ZNF763: variants seen among roughly 807,000 people sequenced by gnomAD.
ZNF763 encodes the protein zinc finger protein 763.
ZNF763 carries 33 observed loss-of-function variants against 38.0 expected under a neutral mutation model. That is an observed-to-expected ratio of 0.87 (90% CI 0.66 to 1.16). ZNF763 has a LOEUF of 1.16. ZNF763 is among the 50% of genes most tolerant of loss of function. The pLI, the probability that ZNF763 is intolerant of heterozygous loss-of-function variation, is 0.00. For synonymous variants in ZNF763, 155 were observed against 160.1 expected (o/e 0.97, Z 0.24); for missense variants, 423 against 469.1 (o/e 0.90, Z 0.91).
Position 11,979,196 on chromosome 19 carries a change from G to C in ZNF763, c.*87G>C, listed in dbSNP as rs1307573162. On this transcript the variant is annotated 3_prime_UTR_variant, in exon 4 of 4. Transcript: ENST00000358987. ...CACACTGGAGAGAAACCCTATAAAT[G>C]CATGCCATGTGGTAAAGCCTTCAAT... 4 of 1,612,032 alleles carry C rather than the reference G, an allele frequency of 2.5e-6. No homozygotes were observed. Among genetic ancestry groups the C allele is most frequent in the Non-Finnish European group, 3.4e-6 (4 of 1,179,550 alleles).
chr19:11,976,820 C>T (rs940775305), intron 1 of ZNF763: 2 of 1,357,832 alleles, frequency 1.5e-6, no homozygotes, highest in African/African-American at 1.5e-5. Context: ...CATCATTATA[C>T]TCCAGCCTGG....
chr19:11,970,441 GA>G (rs1973327354), intron 1 of ZNF763, among the ~76,000 whole-genome samples: 1 of 152,166 alleles, frequency 6.6e-6, no homozygotes, highest in Admixed American at 6.5e-5. Flanking sequence ...AATCCATAAA[GA>G]AAATGCATGC....
At chr19:11,966,520 T>C (rs912542432) in intron 1 of ZNF763, among the ~76,000 whole-genome samples, 3 of 152,102 alleles carry the variant, frequency 2.0e-5, no homozygotes, top group African/African-American at 7.2e-5. Context: ...ATTACAGACA[T>C]GCACCACCAT....
Position 11,979,890 on chromosome 19 carries a change from G to T in ZNF763, c.*781G>T, listed in dbSNP as rs1973584359. 3 of 1,426,902 alleles carry T rather than the reference G, an allele frequency of 2.1e-6. No individual in the cohort carries two copies. Among genetic ancestry groups the T allele is most frequent in the Admixed American group, 3.4e-5 (2 of 57,976 alleles). 88.4% of individuals were successfully genotyped at this position (1,426,902 alleles called of 1,614,324 possible). On this transcript the variant is annotated 3_prime_UTR_variant, in exon 4 of 4. Transcript: ENST00000358987. ...CACGTAAGAATGCACTCTGTAGAAA[G>T]ACCTTATAAATGTAAGATATGTGGG...
chr19:11,978,266 T>C lies in ZNF763; in HGVS notation c.342T>C (p.Val114=). ...GTGATAACTTTGTATGTGGAGAAGT[T>C]GGCATAGGTAACTCATCTTTTAATA... ...KSCDNFVCGE[V]GIGNSSFNMN... Residue 114 remains valine (V), a synonymous_variant, in exon 4 of 4, where the codon GTT becomes GTC. Transcript: ENST00000358987. 1 of 1,614,090 alleles carries C rather than the reference T, an allele frequency of 6.2e-7. No individual in the cohort carries two copies. The highest frequency in any genetic ancestry group is 8.5e-7 in the Non-Finnish European group (1 of 1,179,982).
chr19:11,979,874 A>G lies in ZNF763; in HGVS notation c.*765A>G, dbSNP rs1016900035. On this transcript the variant is annotated 3_prime_UTR_variant, in exon 4 of 4. Coordinates refer to ENST00000358987, the MANE Select transcript of ZNF763 (RefSeq NM_001367172.2). ...TGAAAGGACACAAACACACGTAAGA[A>G]TGCACTCTGTAGAAAGACCTTATAA... is the stretch of plus-strand genomic sequence containing the variant. 8 of 1,464,432 alleles carry G rather than the reference A, an allele frequency of 5.5e-6. No homozygotes were observed. Among genetic ancestry groups the G allele is most frequent in the Non-Finnish European group, 7.6e-6 (8 of 1,047,930 alleles). 90.7% of individuals were successfully genotyped at this position (1,464,432 alleles called of 1,614,324 possible). A position where few individuals can be genotyped will look rare whatever the true frequency, so the allele number is the denominator to read the frequency against.
At chr19:11,971,879 C>G (rs973625652) in intron 1 of ZNF763, among the ~76,000 whole-genome samples, 1 of 152,080 alleles carries the variant, frequency 6.6e-6, no homozygotes, top group South Asian at 2.1e-4. Flanking sequence ...GCCTGACAAA[C>G]GTGGAGGTTT....
intron 3 of ZNF763, among the ~76,000 whole-genome samples, chr19:11,977,740 T>C (rs1384162772): frequency 6.6e-6 from 1 of 152,076 alleles, no homozygotes; most frequent in Non-Finnish European, 1.5e-5. Context: ...ATCGTAGTCC[T>C]AGCTACTCAG....
chr19:11,968,716 A>G (rs1973290295), intron 1 of ZNF763, among the ~76,000 whole-genome samples: 1 of 152,156 alleles, frequency 6.6e-6, no homozygotes, highest in Non-Finnish European at 1.5e-5. Context: ...TTAGTGTACT[A>G]TAGAGATCAG....
At chr19:11,971,920 G>T (rs1973359419) in intron 1 of ZNF763, among the ~76,000 whole-genome samples, 1 of 152,114 alleles carries the variant, frequency 6.6e-6, no homozygotes, top group Admixed American at 6.5e-5. Flanking sequence ...AAATTAGCCA[G>T]GCGTGGTGGC....
chr19:11,966,663 C>G (rs1973235491), intron 1 of ZNF763, among the ~76,000 whole-genome samples: 1 of 152,194 alleles, frequency 6.6e-6, no homozygotes, highest in Non-Finnish European at 1.5e-5. Flanking sequence ...TGTGAGCCAC[C>G]TCGCCTGGCC....
In ZNF763 at chr19:11,979,978, C is replaced by G; in HGVS notation, c.*869C>G. The G allele has an allele frequency of 8.3e-7, 1 of 1,207,376 alleles. No homozygotes were observed. Among genetic ancestry groups the G allele is most frequent in the Non-Finnish European group, 1.2e-6 (1 of 823,712 alleles). 74.8% of individuals were successfully genotyped at this position (1,207,376 alleles called of 1,614,324 possible). A position where few individuals can be genotyped will look rare whatever the true frequency, so the allele number is the denominator to read the frequency against. On this transcript the variant is annotated 3_prime_UTR_variant, in exon 4 of 4. Coordinates refer to ENST00000358987, the MANE Select transcript of ZNF763 (RefSeq NM_001367172.2). ...AAAAATCTTACACTGGAGAGAAACCCTATGAGTGTAAGCAATGTGGGAAAG... is the reference window on the plus strand; with the variant it reads ...AAAAATCTTACACTGGAGAGAAACCGTATGAGTGTAAGCAATGTGGGAAAG...
chr19:11,967,953 A>G (rs902402102), intron 1 of ZNF763, among the ~76,000 whole-genome samples: 1 of 152,226 alleles, frequency 6.6e-6, no homozygotes, highest in African/African-American at 2.4e-5. Context: ...ATTAAAACAT[A>G]ACTATAATTA....
chr19:11,977,478 A>G (rs768784465), intron 3 of ZNF763, 47 bp downstream of exon 3: 4 of 1,591,538 alleles, frequency 2.5e-6, no homozygotes, highest in Non-Finnish European at 3.4e-6. Context: ...TGATTTTAGT[A>G]TATGATAATA....
chr19:11,979,176 T>C lies in ZNF763; in HGVS notation c.*67T>C. 6.2e-7 allele frequency: 1 copy of C among 1,612,270 alleles called. No individual in the cohort carries two copies. The highest frequency in any genetic ancestry group is 2.2e-5 in the East Asian group (1 of 44,870). On this transcript the variant is annotated 3_prime_UTR_variant, in exon 4 of 4. Coordinates refer to ENST00000358987, the MANE Select transcript of ZNF763 (RefSeq NM_001367172.2). ...TTCGAAGACATGAAAAAACTCACAC[T>C]GGAGAGAAACCCTATAAATGCATGC...
chr19:11,965,353 G>A, intron 1 of ZNF763, 142 bp downstream of exon 1: 9 of 1,194,686 alleles, frequency 7.5e-6, no homozygotes. Flanking sequence ...TCGGCCCTCG[G>A]TCCCCTCGGC....
intron 1 of ZNF763, chr19:11,976,748 C>A: frequency 1.9e-6 from 1 of 538,544 alleles, no homozygotes; most frequent in Non-Finnish European, 2.7e-6. Context: ...TGCCTGTAAT[C>A]CCAGCTACTC....
At chr19:11,977,538 C>A in intron 3 of ZNF763, 107 bp downstream of exon 3, 1 of 1,359,034 alleles carries the variant, frequency 7.4e-7, no homozygotes, top group South Asian at 1.3e-5. Context: ...AAATTCATCT[C>A]TTCTTAGAAT....
At chr19:11,978,017 C>G in intron 3 of ZNF763, 99 bp from the exon 4 acceptor site, 1 of 1,440,782 alleles carries the variant, frequency 6.9e-7, no homozygotes, top group Non-Finnish European at 9.4e-7. Flanking sequence ...GGGCAGAAAG[C>G]CTACACCTTG....
Sources: allele counts gnomAD v4.1 joint callset (sites outside exome capture counted in the v4.1 genomes callset), GRCh38; gene constraint gnomAD v4.1.1; transcripts MANE v1.5; gene names NCBI Gene and HGNC (gene_info 2026-07-23, HGNC 2026-07-21).